MEMO1: variants seen among roughly 807,000 people sequenced by gnomAD.
MEMO1 encodes the protein protein MEMO1.
MEMO1 carries 6 observed loss-of-function variants against 45.2 expected under a neutral mutation model. The observed-to-expected ratio is 0.13, with a 90% confidence interval of 0.07 to 0.26. The LOEUF (loss-of-function observed/expected upper bound fraction) is 0.26. MEMO1 is among the 10% of genes least tolerant of loss of function. MEMO1 has a pLI of 1.00. For missense variants in MEMO1, 184 were observed against 370.5 expected, an observed-to-expected ratio of 0.50 and a Z score of 4.13; for synonymous variants, 78 against 124.3, an observed-to-expected ratio of 0.63 and a Z score of 2.48.
At chr2:31,918,147 C>T (rs1681743959) in intron 5 of MEMO1, 110 bp from the exon 6 acceptor site, 1 of 548,622 alleles carries the variant, frequency 1.8e-6, no homozygotes, top group Non-Finnish European at 3.0e-6. Context: ...GAGACAGAAA[C>T]ACCATATAAT....
In MEMO1 at chr2:32,003,529, T is replaced by C. The variant is rs535967156; in HGVS notation, c.61+6658A>G. Among the ~76,000 whole-genome samples the C allele has an allele frequency of 2.6e-4, 40 of 152,344 alleles. No homozygotes were observed. In the South Asian group the frequency reaches 4.1e-3, roughly 16 times the overall value. The stretch of plus-strand genomic sequence containing the variant: ...TTGATTTGTATACTTTTTCAATATA[T>C]GTTTACTTCAACAAAAAAAATTTAA... On this transcript the variant is annotated intron_variant, in intron 2 of 9. Coordinates refer to ENST00000404530, the MANE Select transcript of MEMO1 (RefSeq NM_001301833.4).
intron 3 of MEMO1, among the ~76,000 whole-genome samples, chr2:31,935,396 C>T (rs1168451135): frequency 6.6e-6 from 1 of 152,124 alleles, no homozygotes; most frequent in Non-Finnish European, 1.5e-5. Flanking sequence ...AAGGTAAATA[C>T]ATGATTAATA....
rs543208501 is a variant in MEMO1 at position 31,964,051 on chromosome 2, T to C, written c.62-20668A>G. Among the ~76,000 whole-genome samples, 6 of 152,308 alleles carry C rather than the reference T, an allele frequency of 3.9e-5. No individual in the cohort carries two copies. The South Asian group carries it at 1.2e-3, about 32-fold the overall frequency. On this transcript the variant is annotated intron_variant, in intron 2 of 9. Coordinates refer to ENST00000404530, the MANE Select transcript of MEMO1 (RefSeq NM_001301833.4). ...TCTTTTCACTTTTTAAAAAAGTATA[T>C]ATGGAAAAATTCAAATTATATATGG...
intron 2 of MEMO1, among the ~76,000 whole-genome samples, chr2:31,944,811 T>C (rs1310129646): frequency 6.6e-6 from 1 of 152,150 alleles, no homozygotes; most frequent in East Asian, 1.9e-4. Flanking sequence ...TTCCTTCCAC[T>C]GCTTGCCATC....
At chr2:31,881,113 C>A (rs1274569143) in intron 8 of MEMO1, among the ~76,000 whole-genome samples, 1 of 152,052 alleles carries the variant, frequency 6.6e-6, no homozygotes, top group Non-Finnish European at 1.5e-5. Flanking sequence ...GTAGGATCAA[C>A]ATCTACTGTA....
chr2:31,912,513 CAAA>C (rs752295550), intron 6 of MEMO1, among the ~76,000 whole-genome samples: 1 of 60,544 alleles, frequency 1.7e-5, no homozygotes, highest in Non-Finnish European at 3.5e-5. Context: ...AACTCTGTCT[CAAA>C]AAAAAAAAAA....
intron 2 of MEMO1, among the ~76,000 whole-genome samples, chr2:31,946,930 C>T (rs866734757): frequency 1.3e-5 from 2 of 152,160 alleles, no homozygotes; most frequent in Admixed American, 6.5e-5. Context: ...GTTACAACTG[C>T]CTGTAGTATT....
In MEMO1 at chr2:31,929,406, T is replaced by G. The variant is rs148027189; in HGVS notation, c.212+2661A>C. Among the ~76,000 whole-genome samples, 764 of 152,284 alleles carry G rather than the reference T, an allele frequency of 5.0e-3. 5 individuals are homozygous for G. Among genetic ancestry groups the G allele is most frequent in the African/African-American group, 0.017 (703 of 41,558 alleles). The stretch of plus-strand genomic sequence containing the variant: ...TTTTTTCATGTAATTTAATTATAAT[T>G]TATCATGTTTTATACTCTTCCCAAC... On this transcript the variant is annotated intron_variant, in intron 4 of 9. Transcript: ENST00000404530.
chr2:31,994,501 G>A (rs1244260928), intron 2 of MEMO1, among the ~76,000 whole-genome samples: 6 of 151,234 alleles, frequency 4.0e-5, no homozygotes, highest in African/African-American at 7.3e-5. Context: ...GTGGTGGTGC[G>A]TGTCTGCAGT....
chr2:31,886,143 A>T (rs899075527), intron 7 of MEMO1, among the ~76,000 whole-genome samples: 5 of 152,234 alleles, frequency 3.3e-5, no homozygotes, highest in Non-Finnish European at 7.3e-5. Flanking sequence ...GCCACCTCAT[A>T]TTTAGTAACT....
At chr2:31,914,983 G>C (rs935747099) in intron 6 of MEMO1, among the ~76,000 whole-genome samples, 4 of 121,672 alleles carry the variant, frequency 3.3e-5, no homozygotes, top group African/African-American at 6.2e-5. Context: ...AAAAAAAAAA[G>C]AGGCCAGGCA....
intron 8 of MEMO1, among the ~76,000 whole-genome samples, chr2:31,883,030 A>T (rs747945477): frequency 7.2e-5 from 11 of 152,142 alleles, no homozygotes; most frequent in Non-Finnish European, 1.2e-4. Context: ...CGTGAAACAA[A>T]CAGGAATTAG....
chr2:31,937,064 T>C (rs1344178155), intron 3 of MEMO1, among the ~76,000 whole-genome samples: 5 of 152,198 alleles, frequency 3.3e-5, no homozygotes, highest in Non-Finnish European at 7.4e-5. Context: ...CAACTGGCCC[T>C]ATATAATTTG....
intron 2 of MEMO1, among the ~76,000 whole-genome samples, chr2:31,990,596 G>C (rs1333017252): frequency 7.1e-6 from 1 of 141,658 alleles, no homozygotes; most frequent in Admixed American, 7.2e-5. Context: ...TTTTGGTAGA[G>C]ACAAATTTCG....
chr2:31,902,243 C>T (rs1678960032), intron 6 of MEMO1, among the ~76,000 whole-genome samples: 1 of 151,806 alleles, frequency 6.6e-6, no homozygotes, highest in East Asian at 1.9e-4. Context: ...ATGGTGAAAC[C>T]CCACCTCTAC....
At chr2:31,944,995 C>G (rs764014076) in intron 2 of MEMO1, among the ~76,000 whole-genome samples, 1 of 152,070 alleles carries the variant, frequency 6.6e-6, no homozygotes, top group Non-Finnish European at 1.5e-5. Context: ...CCTTGCTGAT[C>G]CCTTTGTACA....
chr2:31,902,675 T>C (rs1167287883), intron 6 of MEMO1, among the ~76,000 whole-genome samples: 1 of 152,206 alleles, frequency 6.6e-6, no homozygotes, highest in African/African-American at 2.4e-5. Flanking sequence ...TAAACCATGC[T>C]GCAGGAAATG....
chr2:31,949,436 T>C (rs935137081), intron 2 of MEMO1, among the ~76,000 whole-genome samples: 1 of 152,026 alleles, frequency 6.6e-6, no homozygotes, highest in African/African-American at 2.4e-5. Flanking sequence ...TGAGATCCAG[T>C]CATCTGCAAT....
At chr2:31,999,197 G>C (rs1226614293) in intron 2 of MEMO1, among the ~76,000 whole-genome samples, 1 of 152,038 alleles carries the variant, frequency 6.6e-6, no homozygotes, top group East Asian at 1.9e-4. Flanking sequence ...TCTCACAGTT[G>C]GATTACTCCT....
Sources: allele counts gnomAD v4.1 joint callset (sites outside exome capture counted in the v4.1 genomes callset), GRCh38; gene constraint gnomAD v4.1.1; transcripts MANE v1.5; gene names NCBI Gene and HGNC (gene_info 2026-07-23, HGNC 2026-07-21).